Variants in OSGIN2 observed in about 807,000 individuals in gnomAD.
OSGIN2 encodes oxidative stress induced growth inhibitor family member 2.
OSGIN2 carries 19 observed loss-of-function variants against 53.8 expected under a neutral mutation model. That is an observed-to-expected ratio of 0.35 (90% CI 0.25 to 0.52). OSGIN2 has a LOEUF of 0.52. Among genes scored for constraint, OSGIN2 ranks in the 20% least tolerant of loss-of-function variants. The probability of loss-of-function intolerance (pLI) is 0.95; values close to 1 mark genes in which losing one functional copy is unlikely to be tolerated. For synonymous variants in OSGIN2, 236 were observed against 236.0 expected (o/e 1.00, Z 0.00); for missense variants, 520 against 662.7 (o/e 0.78, Z 2.36).
intron 5 of OSGIN2, among the ~76,000 whole-genome samples, chr8:89,923,692 G>A (rs1440429983): frequency 1.3e-5 from 2 of 152,232 alleles, no homozygotes; most frequent in South Asian, 2.1e-4. Context: ...TGTTCAGTAA[G>A]CTAGTTGTTA....
intron 1 of OSGIN2, among the ~76,000 whole-genome samples, chr8:89,906,647 A>G (rs1435098664): frequency 6.6e-6 from 1 of 152,180 alleles, no homozygotes; most frequent in Admixed American, 6.5e-5. Flanking sequence ...TCTATGGTGC[A>G]TATGTACCAT....
intron 1 of OSGIN2, among the ~76,000 whole-genome samples, chr8:89,905,938 T>C (rs879260244): frequency 6.6e-5 from 10 of 152,214 alleles, no homozygotes; most frequent in Non-Finnish European, 1.5e-4. Context: ...TTCATTTATA[T>C]AATAGCATCA....
At chr8:89,906,201 G>T (rs1808835834) in intron 1 of OSGIN2, among the ~76,000 whole-genome samples, 1 of 152,142 alleles carries the variant, frequency 6.6e-6, no homozygotes, top group Non-Finnish European at 1.5e-5. Flanking sequence ...GTTCAGGGGT[G>T]TCCACTCTTT....
chr8:89,914,450 TG>T, intron 3 of OSGIN2, 104 bp from the exon 4 acceptor site: 1 of 831,156 alleles, frequency 1.2e-6, no homozygotes. Flanking sequence ...GTGGTCAAGT[TG>T]GGGGTACTGC....
At chr8:89,904,622 C>G (rs749704504) in intron 1 of OSGIN2, among the ~76,000 whole-genome samples, 1 of 152,054 alleles carries the variant, frequency 6.6e-6, no homozygotes, top group Non-Finnish European at 1.5e-5. Context: ...TTCAGGTCAT[C>G]CTGGCCAACA....
At chr8:89,923,972 G>T (rs897766284) in intron 5 of OSGIN2, among the ~76,000 whole-genome samples, 1 of 152,186 alleles carries the variant, frequency 6.6e-6, no homozygotes, top group Non-Finnish European at 1.5e-5. Context: ...TAACCTAGAT[G>T]TAAGATGACT....
Position 89,909,576 on chromosome 8 carries a change from T to A in OSGIN2, c.54T>A (p.Ser18Arg). 6.5e-7 allele frequency: 1 copy of A among 1,536,228 alleles called. No homozygotes were observed. Among genetic ancestry groups the A allele is most frequent in the Non-Finnish European group, 8.8e-7 (1 of 1,135,052 alleles). Reference protein sequence around the residue: ...CSLAGHFRNYSDTETEGEIFN... With the variant: ...CSLAGHFRNYRDTETEGEIFN... ...TTTTTTTTTTTTAAAGAAACTATAG[T>A]GACACTGAAACTGAAGGAGAGATTT... is the stretch of plus-strand genomic sequence containing the variant. Residue 18 changes from serine to arginine, a missense_variant, in exon 2 of 6, where the codon AGT becomes AGA. Ser to Arg is a moderately radical substitution (Grantham distance 110, BLOSUM62 -1). Coordinates refer to ENST00000451899, the MANE Select transcript of OSGIN2 (RefSeq NM_001126111.3).
rs1008956327 is a variant in OSGIN2 at position 89,926,221 on chromosome 8, T to C, written c.*689T>C. On this transcript the variant is annotated 3_prime_UTR_variant, in exon 6 of 6. Coordinates refer to ENST00000451899, the MANE Select transcript of OSGIN2 (RefSeq NM_001126111.3). The stretch of plus-strand genomic sequence containing the variant: ...GGTCTTTTAAAAAATATTTTTATCG[T>C]TGAAACCTTGACAGGTACTTCATAT... 2.6e-5 allele frequency: 4 copies of C among 152,450 alleles called. No individual in the cohort carries two copies. Among genetic ancestry groups the C allele is most frequent in the Non-Finnish European group, 5.9e-5 (4 of 68,038 alleles). The allele number at this position is 152,450 out of a possible 1,614,324, so 9.4% of individuals were successfully genotyped here. A position where few individuals can be genotyped will look rare whatever the true frequency, so the allele number is the denominator to read the frequency against.
chr8:89,905,244 A>T (rs531953191), intron 1 of OSGIN2, among the ~76,000 whole-genome samples: 97 of 152,340 alleles, frequency 6.4e-4, no homozygotes, highest in African/African-American at 2.2e-3. Context: ...TTAAATGTCA[A>T]ATAGGCTTTT....
chr8:89,908,397 C>T (rs1242471813), intron 1 of OSGIN2, among the ~76,000 whole-genome samples: 1 of 152,092 alleles, frequency 6.6e-6, no homozygotes, highest in Non-Finnish European at 1.5e-5. Context: ...TCTCGCCTAT[C>T]CTAGGGTAGA....
At chr8:89,915,651 TTAAG>T (rs1809062595) in intron 4 of OSGIN2, among the ~76,000 whole-genome samples, 1 of 152,216 alleles carries the variant, frequency 6.6e-6, no homozygotes, top group Non-Finnish European at 1.5e-5. Context: ...CAAATTGATG[TTAAG>T]TAATTTAGTT....
At chr8:89,903,349 A>G (rs1015579692) in intron 1 of OSGIN2, among the ~76,000 whole-genome samples, 1 of 152,156 alleles carries the variant, frequency 6.6e-6, no homozygotes, top group African/African-American at 2.4e-5. Context: ...TTTTACAATC[A>G]CCTTATGGGG....
chr8:89,920,935 G>C (rs1809184682), intron 4 of OSGIN2, 145 bp from the exon 5 acceptor site: 1 of 515,024 alleles, frequency 1.9e-6, no homozygotes, highest in Non-Finnish European at 3.5e-6. Context: ...AGGTAAGTTA[G>C]CCAACCATTT....
intron 1 of OSGIN2, among the ~76,000 whole-genome samples, chr8:89,905,322 T>G (rs1324895635): frequency 6.6e-6 from 1 of 152,214 alleles, no homozygotes; most frequent in Non-Finnish European, 1.5e-5. Context: ...AGTTGCTAAA[T>G]GTAATTGTAC....
rs1490842397 is a variant in OSGIN2, at chr8:89,925,243, T to C, written c.1361T>C (p.Val454Ala). 1.2e-6 allele frequency: 2 copies of C among 1,614,040 alleles called. No homozygotes were observed. Among genetic ancestry groups the C allele is most frequent in the African/African-American group, 2.7e-5 (2 of 74,936 alleles). Residue 454 changes from valine (V) to alanine (A), a missense_variant, in exon 6 of 6, where the codon GTA (valine) becomes GCA (alanine). Physicochemically the swap from Val to Ala is moderately conservative, Grantham distance 64 (BLOSUM62 0). This residue lies in a region of OSGIN2 where 239 missense variants were observed against 328.3 expected (regional missense o/e 0.73). Transcript: ENST00000451899. ...LKKIFKLSAA[V>A]VLIGSHPNLS... Reference sequence around the variant, plus strand: ...AAAATATTTAAGCTGTCTGCAGCAGTAGTATTGATAGGTTCTCATCCTAAT... The same window carrying C: ...AAAATATTTAAGCTGTCTGCAGCAGCAGTATTGATAGGTTCTCATCCTAAT...
At chr8:89,910,002 G>A (rs551181448) in intron 2 of OSGIN2, among the ~76,000 whole-genome samples, 30 of 152,280 alleles carry the variant, frequency 2.0e-4, no homozygotes, top group African/African-American at 6.3e-4. Flanking sequence ...TCATGGTAAT[G>A]TGATAATATT....
intron 1 of OSGIN2, among the ~76,000 whole-genome samples, chr8:89,905,548 A>T (rs1808822136): frequency 6.6e-6 from 1 of 150,758 alleles, no homozygotes; most frequent in South Asian, 2.1e-4. Flanking sequence ...TAATTACTAA[A>T]AGTCTTGTTT....
In OSGIN2 at chr8:89,914,227, C is replaced by G; in HGVS notation, c.336+14C>G. 1 of 1,561,970 alleles carries G rather than the reference C, an allele frequency of 6.4e-7. No individual in the cohort carries two copies. Among genetic ancestry groups the G allele is most frequent in the Non-Finnish European group, 8.7e-7 (1 of 1,154,336 alleles). ...ATTGTTGATCAGGTATTATTTCTTA[C>G]ATGTCAATTTAAAAAATTTTTTTAT... is the stretch of plus-strand genomic sequence containing the variant. On this transcript the variant is annotated intron_variant, in intron 3 of 5. Transcript: ENST00000451899.
chr8:89,914,840 G>T, intron 4 of OSGIN2, 94 bp downstream of exon 4: 1 of 857,354 alleles, frequency 1.2e-6, no homozygotes, highest in East Asian at 2.5e-5. Context: ...TGTTATATGT[G>T]ATGTTTATCA....
Sources: gnomAD v4.1 joint callset for allele counts (sites outside exome capture counted in the v4.1 genomes callset) on GRCh38, gnomAD v4.1.1 for gene constraint, gnomAD v4.1.1 regional missense constraint, MANE v1.5 for transcripts, NCBI Gene and HGNC (gene_info 2026-07-23, HGNC 2026-07-21) for gene names.